Variants in TPRG1 observed in about 807,000 individuals in gnomAD.
TPRG1 encodes tumor protein p63 regulated 1.
TPRG1 carries 29 observed loss-of-function variants against 29.3 expected under a neutral mutation model. The ratio of observed to expected loss-of-function variants is 0.99; its 90% CI spans 0.74 to 1.35. TPRG1 has a LOEUF of 1.35. TPRG1 is among the 40% of genes most tolerant of loss of function. The pLI, the probability that TPRG1 is intolerant of heterozygous loss-of-function variation, is 0.00. For synonymous variants in TPRG1, 130 were observed against 116.8 expected (o/e 1.11, Z -0.73); for missense variants, 327 against 335.0 (o/e 0.98, Z 0.19).
intron 4 of TPRG1, among the ~76,000 whole-genome samples, chr3:189,086,949 T>C (rs1717986160): frequency 6.6e-6 from 1 of 152,216 alleles, no homozygotes. Flanking sequence ...CTGTTGTGAA[T>C]AGTGCTGCAA....
Position 189,207,341 on chromosome 3 carries a change from A to AT in TPRG1, c.-9-29dup, listed in dbSNP as rs1188067449. The AT allele has an allele frequency of 1.9e-6, 3 of 1,611,376 alleles. No individual in the cohort carries two copies. The South Asian group carries it at 3.3e-5, about 18-fold the overall frequency. ...GCTAGGACACAGGTACAGAGGTAAC[A>AT]TTTTTTCAATGAGATTTTTCTGCCC... On this transcript the variant is annotated intron_variant, in intron 1 of 5. Coordinates refer to ENST00000345063, the MANE Select transcript of TPRG1 (RefSeq NM_198485.4).
intron 1 of TPRG1, among the ~76,000 whole-genome samples, chr3:189,177,485 C>T (rs980655686): frequency 6.6e-6 from 1 of 150,604 alleles, no homozygotes; most frequent in African/African-American, 2.4e-5. Flanking sequence ...TATGTATATA[C>T]ATATATATGT....
At chr3:189,251,474 T>C (rs1253223090) in intron 4 of TPRG1, among the ~76,000 whole-genome samples, 1 of 151,900 alleles carries the variant, frequency 6.6e-6, no homozygotes, top group Non-Finnish European at 1.5e-5. Context: ...GAGAAAGAAA[T>C]AAGGGGGCCC....
At chr3:189,075,746 C>G (rs764311296) in intron 4 of TPRG1, among the ~76,000 whole-genome samples, 24 of 152,152 alleles carry the variant, frequency 1.6e-4, no homozygotes, top group Non-Finnish European at 3.2e-4. Context: ...CCACAGTTCC[C>G]ATCAACTGTA....
intron 1 of TPRG1, among the ~76,000 whole-genome samples, chr3:189,173,342 CT>C (rs5855241): frequency 8.3e-4 from 94 of 113,596 alleles, no homozygotes; most frequent in Middle Eastern, 5.0e-3. Context: ...TTTTCTTCTT[CT>C]TTTTTTTTTT....
chr3:189,279,319 A>C (rs1207808340), intron 4 of TPRG1, among the ~76,000 whole-genome samples: 4 of 152,172 alleles, frequency 2.6e-5, no homozygotes, highest in Non-Finnish European at 5.9e-5. Context: ...TGCATGATTC[A>C]GTTGAAGGTA....
chr3:189,044,947 T>C (rs898255832), intron 4 of TPRG1, among the ~76,000 whole-genome samples: 1 of 152,210 alleles, frequency 6.6e-6, no homozygotes, highest in Non-Finnish European at 1.5e-5. Context: ...TTTTTGACAG[T>C]GTAATGCTTA....
intron 1 of TPRG1, among the ~76,000 whole-genome samples, chr3:189,119,080 A>G (rs1398206087): frequency 1.3e-5 from 2 of 152,236 alleles, no homozygotes; most frequent in Non-Finnish European, 2.9e-5. Flanking sequence ...AGCTTTGCAA[A>G]GCCACAGGGC....
At chr3:189,294,903 G>A (rs934122500) in intron 4 of TPRG1, among the ~76,000 whole-genome samples, 3 of 151,974 alleles carry the variant, frequency 2.0e-5, no homozygotes, top group African/African-American at 7.3e-5. Context: ...TGCACAATGC[G>A]CAGGTTTGTT....
chr3:189,090,122 A>C (rs1292901366), intron 4 of TPRG1, among the ~76,000 whole-genome samples: 1 of 152,152 alleles, frequency 6.6e-6, no homozygotes, highest in Non-Finnish European at 1.5e-5. Context: ...GTTTGATAGT[A>C]AATGCATTTA....
intron 5 of TPRG1, among the ~76,000 whole-genome samples, chr3:189,165,531 C>T (rs1047472186): frequency 4.6e-5 from 7 of 151,874 alleles, no homozygotes; most frequent in African/African-American, 1.5e-4. Flanking sequence ...GGGGCCTGGG[C>T]ATGTGCATTT....
intron 4 of TPRG1, among the ~76,000 whole-genome samples, chr3:189,029,799 G>T (rs906307301): frequency 6.6e-6 from 1 of 152,138 alleles, no homozygotes; most frequent in African/African-American, 2.4e-5. Context: ...TCATTCCCAT[G>T]AGATTTGGTT....
chr3:189,288,329 ATTG>A (rs1406407649), intron 4 of TPRG1, among the ~76,000 whole-genome samples: 4 of 152,202 alleles, frequency 2.6e-5, no homozygotes, highest in Non-Finnish European at 5.9e-5. Context: ...GTGTAGTGAG[ATTG>A]TTGTGAGAAG....
intron 1 of TPRG1, among the ~76,000 whole-genome samples, chr3:189,187,452 C>T (rs1731094977): frequency 6.7e-6 from 1 of 150,330 alleles, no homozygotes; most frequent in South Asian, 2.1e-4. Context: ...GATTACAGAC[C>T]CCGCCACCAC....
At chr3:189,150,979 G>A (rs977597992) in intron 5 of TPRG1, 12 of 152,314 alleles carry the variant, frequency 7.9e-5, no homozygotes, top group African/African-American at 2.6e-4. Flanking sequence ...TCCCATCTGT[G>A]AAATGAAGGA....
chr3:189,041,690 G>A (rs768377950), intron 4 of TPRG1, among the ~76,000 whole-genome samples: 10 of 152,140 alleles, frequency 6.6e-5, no homozygotes, highest in Non-Finnish European at 1.2e-4. Flanking sequence ...GGGGCCCTCT[G>A]GTGGCAGGAG....
chr3:189,288,516 T>C (rs1366767195), intron 4 of TPRG1, among the ~76,000 whole-genome samples: 1 of 152,228 alleles, frequency 6.6e-6, no homozygotes, highest in East Asian at 1.9e-4. Flanking sequence ...CATAAACCAG[T>C]AACTGAAGCA....
chr3:189,224,755 A>T (rs887165153), intron 3 of TPRG1, among the ~76,000 whole-genome samples: 2 of 152,060 alleles, frequency 1.3e-5, no homozygotes, highest in East Asian at 1.9e-4. Flanking sequence ...GTGTTTTTTT[A>T]AATTTAATTT....
chr3:189,133,850 G>A (rs528170890), intron 3 of TPRG1, among the ~76,000 whole-genome samples: 65 of 152,244 alleles, frequency 4.3e-4, no homozygotes, highest in Non-Finnish European at 7.6e-4. Flanking sequence ...ATAAATAAAA[G>A]TATTCACCAT....
Sources: allele counts gnomAD v4.1 joint callset (sites outside exome capture counted in the v4.1 genomes callset), GRCh38; gene constraint gnomAD v4.1.1; transcripts MANE v1.5; gene names NCBI Gene and HGNC (gene_info 2026-07-23, HGNC 2026-07-21).